The following TLL1 variants were observed in gnomAD, a reference collection of about 807,000 sequenced individuals.
The protein encoded by TLL1 is tolloid-like protein 1.
In TLL1, 49 loss-of-function variants were observed where a neutral mutation model predicts 128.2. That is an observed-to-expected ratio of 0.38 (90% CI 0.30 to 0.48). TLL1 has a LOEUF of 0.48. TLL1 is among the 20% of genes least tolerant of loss of function. TLL1 has a pLI of 0.96. For missense variants in TLL1, 1,123 were observed against 1,242.0 expected (o/e 0.90, Z 1.44); for synonymous variants, 454 against 418.8 (o/e 1.08, Z -1.03).
At chr4:166,059,226 T>C (rs11730477) in intron 14 of TLL1, among the ~76,000 whole-genome samples, 63,974 of 149,942 alleles carry the variant, frequency 0.43, 14,403 homozygotes, top group African/African-American at 0.61. Context: ...CACACACACA[T>C]ACACGTGCAC....
Position 165,882,602 on chromosome 4 carries a change from C to G in TLL1, c.169+8529C>G, listed in dbSNP as rs1007660496. Among the ~76,000 whole-genome samples, 3 of 151,906 alleles carry G rather than the reference C, an allele frequency of 2.0e-5. No homozygotes were observed. In the East Asian group the frequency reaches 5.8e-4, roughly 30 times the overall value. Reference sequence around the variant, plus strand: ...AGGAAATAATGACCTAAATCAGGGCCCCTGTGTTGCTTTATGTTTCTTTCA... The same window carrying G: ...AGGAAATAATGACCTAAATCAGGGCGCCTGTGTTGCTTTATGTTTCTTTCA... On this transcript the variant is annotated intron_variant, in intron 1 of 20. Transcript: ENST00000061240.
chr4:166,041,147 A>G (rs1011534822), intron 10 of TLL1, among the ~76,000 whole-genome samples: 1 of 152,204 alleles, frequency 6.6e-6, no homozygotes, highest in South Asian at 2.1e-4. Flanking sequence ...CTAAACAGAT[A>G]TAATCTACAG....
chr4:166,071,898 C>G (rs73863546), intron 16 of TLL1, among the ~76,000 whole-genome samples: 5,292 of 152,016 alleles, frequency 0.035, 234 homozygotes, highest in East Asian at 0.22. Flanking sequence ...GGTTTTAAAA[C>G]AACCACACCA....
intron 9 of TLL1, 97 bp downstream of exon 9, chr4:166,025,528 T>G: frequency 9.8e-7 from 1 of 1,016,610 alleles, no homozygotes; most frequent in Non-Finnish European, 1.5e-6. Flanking sequence ...TATTCTTGTT[T>G]GAGTTTTCAA....
rs148426453 is a variant in TLL1, at chr4:166,015,107, G to T, written c.1042+547G>T. ...AGTTTCAAAAGCAGATTCATGAAAC[G>T]TCTTAATGTTCTAAGGGAGCACTAT... On this transcript the variant is annotated intron_variant, in intron 8 of 20. Transcript: ENST00000061240. Among the ~76,000 whole-genome samples the T allele has an allele frequency of 4.4e-3, 666 of 152,058 alleles. 4 individuals carry two copies. The highest frequency in any genetic ancestry group is 0.015 in the African/African-American group (640 of 41,530).
In TLL1 at chr4:166,078,011, C is replaced by T; in HGVS notation, c.2423C>T (p.Pro808Leu). ...TGCACTTGGGAAATCAGCGCCACTC[C>T]TGGCCACCGAATCAAATTAGTAAGT... ...KECTWEISAT[P>L]GHRIKLAFSE... The change falls in exon 18 of 21, where the codon CCT (proline) becomes CTT (leucine). Residue 808 changes from proline to leucine, a missense_variant. Physicochemically the swap from Pro to Leu is moderately conservative, Grantham distance 98. This residue lies in a region of TLL1 where 634 missense variants were observed against 672.4 expected (regional missense o/e 0.94). Transcript: ENST00000061240. 6.2e-7 allele frequency: 1 copy of T among 1,613,664 alleles called. No homozygotes were observed. The highest frequency in any genetic ancestry group is 8.5e-7 in the Non-Finnish European group (1 of 1,179,738).
At chr4:166,057,064 G>T (rs1054374516) in intron 13 of TLL1, 120 bp from the exon 14 acceptor site, 3 of 1,155,586 alleles carry the variant, frequency 2.6e-6, no homozygotes, top group Non-Finnish European at 3.8e-6. Flanking sequence ...CTCATGACAC[G>T]TGAGAATTTT....
intron 1 of TLL1, among the ~76,000 whole-genome samples, chr4:165,893,820 AC>A (rs1202006540): frequency 6.6e-6 from 1 of 152,042 alleles, no homozygotes; most frequent in Non-Finnish European, 1.5e-5. Context: ...TAATTTAAAC[AC>A]TCTGGTCCCA....
intron 7 of TLL1, among the ~76,000 whole-genome samples, chr4:166,010,314 A>C (rs940997308): frequency 6.6e-6 from 1 of 151,122 alleles, no homozygotes; most frequent in Non-Finnish European, 1.5e-5. Flanking sequence ...ATTTTTTGTT[A>C]TTTGAATAGT....
chr4:166,027,889 A>G (rs539430837), intron 9 of TLL1, among the ~76,000 whole-genome samples: 181 of 152,236 alleles, frequency 1.2e-3, no homozygotes, highest in African/African-American at 4.1e-3. Flanking sequence ...TTTTTCTTGT[A>G]TGTATGATTA....
At chr4:166,033,183 T>C (rs1738851269) in intron 9 of TLL1, among the ~76,000 whole-genome samples, 1 of 152,162 alleles carries the variant, frequency 6.6e-6, no homozygotes, top group East Asian at 1.9e-4. Flanking sequence ...TTACAAAATG[T>C]ACCTGCGCTT....
At chr4:165,952,810 AAATTT>A (rs1380899136) in intron 1 of TLL1, among the ~76,000 whole-genome samples, 1 of 152,146 alleles carries the variant, frequency 6.6e-6, no homozygotes, top group Non-Finnish European at 1.5e-5. Context: ...AAAAATAAAA[AAATTT>A]AAAGAAAAAA....
At chr4:166,065,612 GT>G (rs910980144) in intron 15 of TLL1, 70 bp from the exon 16 acceptor site, 3 of 1,528,430 alleles carry the variant, frequency 2.0e-6, no homozygotes, top group African/African-American at 2.7e-5. Context: ...AATAAGATAT[GT>G]TTTTTTAAGA....
chr4:165,986,531 C>T (rs1002197653), intron 1 of TLL1, among the ~76,000 whole-genome samples: 1 of 151,974 alleles, frequency 6.6e-6, no homozygotes, highest in Non-Finnish European at 1.5e-5. Context: ...CTATTGCTTT[C>T]TCTCAAAGAA....
intron 7 of TLL1, among the ~76,000 whole-genome samples, chr4:166,008,358 C>G (rs1189707810): frequency 6.6e-6 from 1 of 151,216 alleles, no homozygotes; most frequent in African/African-American, 2.4e-5. Context: ...AAAGCATTAC[C>G]AAACCAATCA....
chr4:166,050,229 T>C (rs1739646871), intron 12 of TLL1, among the ~76,000 whole-genome samples: 1 of 150,552 alleles, frequency 6.6e-6, no homozygotes, highest in Non-Finnish European at 1.5e-5. Flanking sequence ...TAATTCCTTA[T>C]GGCAACCTCC....
intron 7 of TLL1, among the ~76,000 whole-genome samples, chr4:166,012,829 A>G (rs1003961548): frequency 6.6e-6 from 1 of 151,666 alleles, no homozygotes; most frequent in Non-Finnish European, 1.5e-5. Context: ...AGATGTTTAG[A>G]TCTTGTAGTA....
At chr4:165,887,212 T>C (rs1731199558) in intron 1 of TLL1, among the ~76,000 whole-genome samples, 6 of 152,076 alleles carry the variant, frequency 3.9e-5, no homozygotes, top group Admixed American at 6.6e-5. Context: ...GTTATAAAGA[T>C]ATGTTAGGAG....
chr4:165,932,623 A>G (rs571014188), intron 1 of TLL1, among the ~76,000 whole-genome samples: 48 of 150,316 alleles, frequency 3.2e-4, no homozygotes, highest in African/African-American at 1.1e-3. Context: ...ACGTTCTGAT[A>G]TTTAAGCTTC....
Sources: allele counts gnomAD v4.1 joint callset (sites outside exome capture counted in the v4.1 genomes callset), GRCh38; gene constraint gnomAD v4.1.1; regional missense constraint gnomAD v4.1.1; transcripts MANE v1.5; gene names NCBI Gene and HGNC (gene_info 2026-07-23, HGNC 2026-07-21).